The following DLGAP2 variants were observed in gnomAD, a reference collection of about 807,000 sequenced individuals.
DLGAP2 encodes the protein DLG associated protein 2.
In DLGAP2, 26 loss-of-function variants were observed where a neutral mutation model predicts 100.3. That is an observed-to-expected ratio of 0.26 (90% CI 0.19 to 0.36). The LOEUF (loss-of-function observed/expected upper bound fraction) is 0.36. DLGAP2 is among the 10% of genes least tolerant of loss of function. The pLI is 1.00. For synonymous variants in DLGAP2, 886 were observed against 630.1 expected (o/e 1.41, Z -6.08); for missense variants, 1,858 against 1,453.2 (o/e 1.28, Z -4.53).
intron 6 of DLGAP2, among the ~76,000 whole-genome samples, chr8:1,571,940 T>G (rs1584941188): frequency 8.5e-6 from 1 of 117,338 alleles, no homozygotes; most frequent in African/African-American, 3.5e-5. Context: ...TCTGCTGGGA[T>G]GGAGAGGAGA....
At chr8:1,050,744 T>A (rs4735976) in intron 2 of DLGAP2, among the ~76,000 whole-genome samples, 5,280 of 152,284 alleles carry the variant, frequency 0.035, 243 homozygotes, top group East Asian at 0.15. Flanking sequence ...TTAAACTGCC[T>A]GGCTGTTTTC....
At chr8:1,424,212 T>C (rs1797178316) in intron 3 of DLGAP2, among the ~76,000 whole-genome samples, 1 of 152,242 alleles carries the variant, frequency 6.6e-6, no homozygotes, top group Non-Finnish European at 1.5e-5. Context: ...TCAGCTAGTC[T>C]TAAGCTGATG....
In DLGAP2 at chr8:1,615,905, A is replaced by G. The variant is rs546332371; in HGVS notation, c.1443-10835A>G. ...CTTTAAACAGCCATTGTAAGGTCTT[A>G]TGAATGATATAAAAATGTTAGAACT... On this transcript the variant is annotated intron_variant, in intron 6 of 14. Coordinates refer to ENST00000637795, the MANE Select transcript of DLGAP2 (RefSeq NM_001346810.2). 4.0e-4 allele frequency among the ~76,000 whole-genome samples: 58 copies of G among 145,546 alleles called. 1 individual carries two copies. The highest frequency in any genetic ancestry group is 3.5e-3 in the Middle Eastern group (1 of 282).
chr8:1,703,396 T>C lies in DLGAP2; in HGVS notation c.*1990T>C, dbSNP rs576710653. On this transcript the variant is annotated 3_prime_UTR_variant, in exon 15 of 15. Transcript: ENST00000637795. ...TCTACCTAAATGAATACCTAAATCT[T>C]GAGTAGTGTACGGTAATGACGCTTC... 1 of 152,622 alleles carries C rather than the reference T, an allele frequency of 6.6e-6. No homozygotes were observed. The highest frequency in any genetic ancestry group is 2.4e-5 in the African/African-American group (1 of 41,442). The allele number at this position is 152,622 out of a possible 1,614,324, so 9.5% of individuals were successfully genotyped here.
intron 2 of DLGAP2, among the ~76,000 whole-genome samples, chr8:1,257,547 C>G (rs1257918503): frequency 6.7e-6 from 1 of 149,420 alleles, no homozygotes; most frequent in African/African-American, 2.5e-5. Context: ...TATTTAACAT[C>G]CTGCTTGTCC....
intron 3 of DLGAP2, among the ~76,000 whole-genome samples, chr8:1,449,697 G>T (rs931492252): frequency 9.2e-5 from 14 of 152,232 alleles, no homozygotes; most frequent in African/African-American, 3.4e-4. Context: ...CAGGGGGTGT[G>T]CAGATGACAC....
At chr8:1,315,425 G>GT (rs1800714460) in intron 3 of DLGAP2, among the ~76,000 whole-genome samples, 2 of 142,570 alleles carry the variant, frequency 1.4e-5, no homozygotes, top group African/African-American at 5.5e-5. Context: ...TTTAAAAATA[G>GT]AGCGTGTGCG....
At chr8:1,409,674 G>A (rs1159246718) in intron 3 of DLGAP2, among the ~76,000 whole-genome samples, 1 of 152,166 alleles carries the variant, frequency 6.6e-6, no homozygotes, top group African/African-American at 2.4e-5. Flanking sequence ...TTTGAATCAG[G>A]GAATGAGTAA....
intron 8 of DLGAP2, among the ~76,000 whole-genome samples, chr8:1,652,721 G>A (rs1215364951): frequency 6.6e-6 from 1 of 152,176 alleles, no homozygotes; most frequent in East Asian, 1.9e-4. Context: ...TGCATCGTCT[G>A]TTTCTGTCAT....
At chr8:1,673,411 T>TA (rs1798737915) in intron 10 of DLGAP2, among the ~76,000 whole-genome samples, 1 of 152,330 alleles carries the variant, frequency 6.6e-6, no homozygotes, top group African/African-American at 2.4e-5. Context: ...CTGAAATTGA[T>TA]AAATACTTAG....
intron 2 of DLGAP2, among the ~76,000 whole-genome samples, chr8:1,051,731 C>T (rs1326645932): frequency 6.6e-6 from 1 of 152,086 alleles, no homozygotes; most frequent in Non-Finnish European, 1.5e-5. Flanking sequence ...CCGCCACGCT[C>T]AGCACAGTGG....
intron 3 of DLGAP2, among the ~76,000 whole-genome samples, chr8:1,294,809 C>T (rs1283382383): frequency 6.7e-6 from 1 of 150,026 alleles, no homozygotes; most frequent in East Asian, 2.0e-4. Context: ...GTGCAGGTTG[C>T]AGTGAGCTGA....
chr8:767,034 G>C (rs967617944), intron 1 of DLGAP2, among the ~76,000 whole-genome samples: 1 of 152,174 alleles, frequency 6.6e-6, no homozygotes, highest in Non-Finnish European at 1.5e-5. Context: ...TGAGATTCTG[G>C]ATGACGAAGA....
At chr8:1,423,327 C>T (rs549043188) in intron 3 of DLGAP2, among the ~76,000 whole-genome samples, 113 of 152,166 alleles carry the variant, frequency 7.4e-4, no homozygotes, top group Middle Eastern at 3.4e-3. Context: ...CCCAGGCACC[C>T]GGGCAGCTCA....
chr8:1,173,344 T>C (rs1797173475), intron 2 of DLGAP2, among the ~76,000 whole-genome samples: 1 of 152,200 alleles, frequency 6.6e-6, no homozygotes, highest in South Asian at 2.1e-4. Flanking sequence ...AGAGACCCAC[T>C]TGAGGAGGCA....
intron 1 of DLGAP2, among the ~76,000 whole-genome samples, chr8:861,914 G>A (rs76869055): frequency 0.074 from 11,217 of 152,256 alleles, 509 homozygotes; most frequent in Admixed American, 0.12. Flanking sequence ...CTCAGTATAA[G>A]TAAATGCAAA....
intron 2 of DLGAP2, among the ~76,000 whole-genome samples, chr8:1,217,983 T>C (rs1798245905): frequency 1.3e-5 from 2 of 152,198 alleles, no homozygotes; most frequent in Non-Finnish European, 2.9e-5. Context: ...TCTTTGTTGA[T>C]GCTAGGTATT....
chr8:1,661,050 G>C (rs1277345424), intron 8 of DLGAP2, among the ~76,000 whole-genome samples: 2 of 152,228 alleles, frequency 1.3e-5, no homozygotes, highest in Non-Finnish European at 2.9e-5. Context: ...GGGGAGGCTA[G>C]GGGACAAATC....
chr8:908,562 C>A (rs1026737220), intron 2 of DLGAP2, among the ~76,000 whole-genome samples: 1 of 151,682 alleles, frequency 6.6e-6, no homozygotes, highest in East Asian at 1.9e-4. Flanking sequence ...GGAAACATGA[C>A]GGAGAAAAAG....
Sources: allele counts gnomAD v4.1 joint callset (sites outside exome capture counted in the v4.1 genomes callset), GRCh38; gene constraint gnomAD v4.1.1; transcripts MANE v1.5; gene names NCBI Gene and HGNC (gene_info 2026-07-23, HGNC 2026-07-21).